CCDC33: variants seen among roughly 807,000 people sequenced by gnomAD.
CCDC33 encodes the protein coiled-coil domain containing 33.
CCDC33 carries 94 observed loss-of-function variants against 91.9 expected under a neutral mutation model. The ratio of observed to expected loss-of-function variants is 1.02; its 90% CI spans 0.87 to 1.21. The LOEUF is 1.21. Among genes scored for constraint, CCDC33 ranks in the 50% most tolerant of loss-of-function variants. The pLI, the probability that CCDC33 is intolerant of heterozygous loss-of-function variation, is 0.00. For missense variants in CCDC33, 940 were observed against 935.5 expected, an observed-to-expected ratio of 1.00 and a Z score of -0.06; for synonymous variants, 396 against 374.5, an observed-to-expected ratio of 1.06 and a Z score of -0.66.
intron 18 of CCDC33, 23 bp from the exon 19 acceptor site, chr15:74,335,902 G>GCACCC: frequency 6.3e-7 from 1 of 1,598,998 alleles, no homozygotes; most frequent in East Asian, 2.2e-5. Context: ...GGGTACTCAC[G>GCACCC]CACCCCGCTT....
At chr15:74,219,725 T>C (rs1479874879) in intron 2 of CCDC33, among the ~76,000 whole-genome samples, 1 of 152,182 alleles carries the variant, frequency 6.6e-6, no homozygotes, top group African/African-American at 2.4e-5. Context: ...TTTTATCCAT[T>C]CATTCATCCA....
At chr15:74,249,570 G>A (rs2075641588) in intron 2 of CCDC33, among the ~76,000 whole-genome samples, 2 of 151,838 alleles carry the variant, frequency 1.3e-5, no homozygotes, top group South Asian at 2.1e-4. Flanking sequence ...TGCAAAAAAT[G>A]CAATAAGACA....
chr15:74,220,950 A>G (rs12911581), intron 2 of CCDC33, among the ~76,000 whole-genome samples: 21,126 of 152,214 alleles, frequency 0.14, 2,051 homozygotes, highest in Non-Finnish European at 0.21. Flanking sequence ...GGAGGCTCAA[A>G]GGCACAGCTG....
rs539016503 is a variant in CCDC33, at chr15:74,310,486, G to A, written c.1290+14538G>A. 1.6e-4 allele frequency among the ~76,000 whole-genome samples: 24 copies of A among 149,126 alleles called. No homozygotes were observed. In the South Asian group the frequency reaches 2.5e-3, roughly 16 times the overall value. On this transcript the variant is annotated intron_variant, in intron 11 of 18. Coordinates refer to ENST00000398814, the MANE Select transcript of CCDC33 (RefSeq NM_025055.5). Reference sequence around the variant, plus strand: ...CAGGAGACAGAGGTTGCAGTGAGCCGAGATCAAGCCACTGCACTCTAGCCT... The same window carrying A: ...CAGGAGACAGAGGTTGCAGTGAGCCAAGATCAAGCCACTGCACTCTAGCCT...
chr15:74,318,343 G>GGAGCCCTGAAGGGCCC (rs1200728563), intron 11 of CCDC33, among the ~76,000 whole-genome samples: 34 of 152,178 alleles, frequency 2.2e-4, no homozygotes, highest in African/African-American at 8.2e-4. Flanking sequence ...TCAGAAGGCC[G>GGAGCCCTGAAGGGCCC]GAGCCCTGAA....
chr15:74,214,577 G>C (rs1595873863), upstream of CCDC33, among the ~76,000 whole-genome samples: 1 of 152,286 alleles, frequency 6.6e-6, no homozygotes, highest in East Asian at 1.9e-4. Flanking sequence ...TGTAAAATGG[G>C]CTTGCCGTCT....
At chr15:74,253,788 G>A (rs953414420) in intron 2 of CCDC33, among the ~76,000 whole-genome samples, 3 of 152,226 alleles carry the variant, frequency 2.0e-5, no homozygotes, top group African/African-American at 7.2e-5. Flanking sequence ...GGCTCATTCA[G>A]AGGAGTAGCC....
intron 2 of CCDC33, among the ~76,000 whole-genome samples, chr15:74,259,454 C>A (rs769583439): frequency 1.3e-5 from 2 of 152,042 alleles, no homozygotes; most frequent in African/African-American, 4.8e-5. Context: ...CATCAAGACC[C>A]GGAGGAGTCA....
At chr15:74,272,725 C>A in intron 6 of CCDC33, 46 bp from the exon 7 acceptor site, 1 of 1,604,278 alleles carries the variant, frequency 6.2e-7, no homozygotes, top group Non-Finnish European at 8.5e-7. Context: ...CTGCCAGGCT[C>A]AGGTGCAGAG....
At chr15:74,334,423 T>C (rs1210674032) in intron 17 of CCDC33, among the ~76,000 whole-genome samples, 1 of 143,086 alleles carries the variant, frequency 7.0e-6, no homozygotes, top group Admixed American at 6.9e-5. Flanking sequence ...GTTCAGTGTG[T>C]GACCAGGGTC....
intron 2 of CCDC33, among the ~76,000 whole-genome samples, chr15:74,256,413 C>T (rs921432730): frequency 7.9e-6 from 1 of 127,282 alleles, no homozygotes; most frequent in Admixed American, 7.0e-5. Context: ...AGGCTGCGTA[C>T]GGGAGAAAGG....
chr15:74,330,767 T>C lies in CCDC33; in HGVS notation c.1545+16T>C. 6.3e-7 allele frequency: 1 copy of C among 1,589,766 alleles called. No individual in the cohort carries two copies. The highest frequency in any genetic ancestry group is 1.1e-5 in the South Asian group (1 of 90,156). On this transcript the variant is annotated intron_variant, in intron 13 of 18. Transcript: ENST00000398814. ...GCTGATTCGAGTGAGCTGGGGCTTG[T>C]GGGGGCAGAGGGGAGGGAGCTATGG...
intron 10 of CCDC33, among the ~76,000 whole-genome samples, chr15:74,294,121 G>T (rs1596050656): frequency 6.6e-6 from 1 of 152,170 alleles, no homozygotes; most frequent in Admixed American, 6.5e-5. Flanking sequence ...TGGTTGTTCA[G>T]GGTCAAACAC....
rs545972388 is a variant in CCDC33, at chr15:74,326,608, G to C, written c.1291-3581G>C. ...AAGGACACCTGACATTTCTCACCTG[G>C]GCAGGATCTGATAGCTGGGTCTTGG... On this transcript the variant is annotated intron_variant, in intron 11 of 18. Coordinates refer to ENST00000398814, the MANE Select transcript of CCDC33 (RefSeq NM_025055.5). 3.9e-5 allele frequency among the ~76,000 whole-genome samples: 6 copies of C among 152,376 alleles called. No individual in the cohort carries two copies. In the South Asian group the frequency reaches 1.0e-3, roughly 26 times the overall value.
chr15:74,251,411 G>T (rs1445030344), intron 2 of CCDC33, among the ~76,000 whole-genome samples: 1 of 152,238 alleles, frequency 6.6e-6, no homozygotes, highest in Non-Finnish European at 1.5e-5. Context: ...GGCACGGGGT[G>T]CCCCAGTGGA....
chr15:74,291,447 T>C (rs2059583128), intron 10 of CCDC33, among the ~76,000 whole-genome samples: 1 of 152,234 alleles, frequency 6.6e-6, no homozygotes, highest in East Asian at 1.9e-4. Context: ...CTTTGTTAGA[T>C]ACCTAATGAG....
chr15:74,210,930 A>C (rs1207482967), intron 2 of CCDC33, among the ~76,000 whole-genome samples: 1 of 152,284 alleles, frequency 6.6e-6, no homozygotes, highest in East Asian at 1.9e-4. Flanking sequence ...GGACTATGAG[A>C]TAGAAGTCAT....
chr15:74,215,886 A>AAAAAGAAAG (rs1347849570), upstream of CCDC33, among the ~76,000 whole-genome samples: 321 of 113,892 alleles, frequency 2.8e-3, no homozygotes, highest in African/African-American at 8.6e-3. Flanking sequence ...AAAAAAAAAA[A>AAAAAGAAAG]AAAGAAAGAA....
chr15:74,332,122 C>A (rs1215430882), intron 15 of CCDC33, among the ~76,000 whole-genome samples: 1 of 152,212 alleles, frequency 6.6e-6, no homozygotes, highest in East Asian at 1.9e-4. Flanking sequence ...CTCTGATAAG[C>A]AGAAAGGACC....
Sources: allele counts gnomAD v4.1 joint callset (sites outside exome capture counted in the v4.1 genomes callset), GRCh38; gene constraint gnomAD v4.1.1; transcripts MANE v1.5; gene names NCBI Gene and HGNC (gene_info 2026-07-23, HGNC 2026-07-21).